Variants in CREBBP observed in about 807,000 individuals in gnomAD.
CREBBP encodes the protein CREB-binding protein.
A neutral mutation model predicts 265.0 loss-of-function variants in CREBBP; 19 were observed. That is an observed-to-expected ratio of 0.07 (90% CI 0.05 to 0.11). The LOEUF (loss-of-function observed/expected upper bound fraction) is 0.11, where lower values mean the gene tolerates loss of function less well. Among genes scored for constraint, CREBBP ranks in the 10% least tolerant of loss-of-function variants. CREBBP has a pLI of 1.00. For synonymous variants in CREBBP, 1,457 were observed against 1,223.7 expected, an observed-to-expected ratio of 1.19 and a Z score of -3.98; for missense variants, 2,525 against 3,219.0, an observed-to-expected ratio of 0.78 and a Z score of 5.22.
chr16:3,822,503 G>A (rs567806284), intron 2 of CREBBP, among the ~76,000 whole-genome samples: 209 of 152,156 alleles, frequency 1.4e-3, no homozygotes, highest in Non-Finnish European at 2.4e-3. Context: ...TGGGCAGGCC[G>A]TCAGCTCTAC....
intron 1 of CREBBP, among the ~76,000 whole-genome samples, chr16:3,867,865 G>T (rs1478413175): frequency 6.6e-6 from 1 of 152,018 alleles, no homozygotes; most frequent in Admixed American, 6.5e-5. Flanking sequence ...GGTGGACATT[G>T]CAGTGAGCTG....
At chr16:3,832,563 C>T (rs1041414338) in intron 2 of CREBBP, among the ~76,000 whole-genome samples, 3 of 152,228 alleles carry the variant, frequency 2.0e-5, no homozygotes, top group Non-Finnish European at 4.4e-5. Flanking sequence ...GTATAGCCCA[C>T]TGCTTCCAGG....
At chr16:3,776,028 T>G (rs2053130229) in intron 11 of CREBBP, among the ~76,000 whole-genome samples, 1 of 152,190 alleles carries the variant, frequency 6.6e-6, no homozygotes, top group African/African-American at 2.4e-5. Flanking sequence ...GCAATTCTCC[T>G]GCCTCAGCCT....
chr16:3,740,895 C>G (rs750540488), intron 23 of CREBBP: 25 of 372,694 alleles, frequency 6.7e-5, no homozygotes, highest in South Asian at 5.2e-4. Context: ...CCCGCTTTCC[C>G]TGGAGGGCAG....
At chr16:3,790,906 T>C in intron 5 of CREBBP, among the ~76,000 whole-genome samples, 1 of 152,078 alleles carries the variant, frequency 6.6e-6, no homozygotes, top group African/African-American at 2.4e-5. Flanking sequence ...TTTCCATCTT[T>C]CCCTGGGCCA....
intron 13 of CREBBP, among the ~76,000 whole-genome samples, chr16:3,771,832 A>G (rs1041669104): frequency 4.8e-5 from 7 of 147,260 alleles, no homozygotes; most frequent in African/African-American, 1.8e-4. Context: ...AAAAAAAAAG[A>G]CAGAGTCTCG....
chr16:3,837,238 C>G (rs1378204186), intron 2 of CREBBP, among the ~76,000 whole-genome samples: 1 of 152,122 alleles, frequency 6.6e-6, no homozygotes, highest in East Asian at 1.9e-4. Flanking sequence ...TGATCCTGAC[C>G]CTGTACAGGC....
chr16:3,863,280 ATTACTAT>A (rs1333575229), intron 1 of CREBBP, among the ~76,000 whole-genome samples: 2 of 152,112 alleles, frequency 1.3e-5, no homozygotes, highest in Non-Finnish European at 2.9e-5. Flanking sequence ...TCGCTGAATG[ATTACTAT>A]TTACCTTCCA....
At chr16:3,751,865 A>T in intron 19 of CREBBP, 59 bp from the exon 20 acceptor site, 2 of 1,541,374 alleles carry the variant, frequency 1.3e-6, no homozygotes, top group Non-Finnish European at 1.8e-6. Context: ...CAGCCACCCA[A>T]GCAACGAAGC....
chr16:3,849,418 T>TGTGTGTGTGTGTGTGTGTGTGTGTG, intron 2 of CREBBP, among the ~76,000 whole-genome samples: 1 of 6,578 alleles, frequency 1.5e-4, no homozygotes, highest in African/African-American at 1.8e-4. Flanking sequence ...TGTGTGTGTG[T>TGTGTGTGTGTGTGTGTGTGTGTGTG]GTGTGTGTGT....
intron 2 of CREBBP, among the ~76,000 whole-genome samples, chr16:3,817,500 C>T (rs994709104): frequency 6.6e-6 from 1 of 152,180 alleles, no homozygotes; most frequent in Non-Finnish European, 1.5e-5. Flanking sequence ...CCCCTTCTCT[C>T]AAGTGAGATC....
At chr16:3,736,628 A>G in intron 27 of CREBBP, 22 bp downstream of exon 27, 1 of 1,614,158 alleles carries the variant, frequency 6.2e-7, no homozygotes, top group Non-Finnish European at 8.5e-7. Context: ...AAAAGCCACC[A>G]CCTTCCTTCA....
intron 2 of CREBBP, among the ~76,000 whole-genome samples, chr16:3,824,038 T>G (rs2054192244): frequency 6.6e-6 from 1 of 151,380 alleles, no homozygotes; most frequent in East Asian, 1.9e-4. Context: ...AGGAGGGAGG[T>G]ACTGTGCAGT....
chr16:3,731,732 C>G lies in CREBBP; in HGVS notation c.4890+44G>C, dbSNP rs1225403028. ...CCCGCCAGCTGCGAGTCTTTCCCTC[C>G]TCCCGGCCAGAGGCACGGCTGCAGC... On this transcript the variant is annotated intron_variant, in intron 29 of 30. Transcript: ENST00000262367. The surrounding 1 kb of genome is among the most constrained non-coding windows in gnomAD (Gnocchi z 7.7). 1 of 1,613,316 alleles carries G rather than the reference C, an allele frequency of 6.2e-7. No homozygotes were observed. Among genetic ancestry groups the G allele is most frequent in the East Asian group, 2.2e-5 (1 of 44,892 alleles).
intron 25 of CREBBP, 167 bp downstream of exon 25, chr16:3,739,411 G>C: frequency 5.2e-6 from 4 of 775,396 alleles, no homozygotes; most frequent in Non-Finnish European, 8.3e-6. Flanking sequence ...TTCATTTCCC[G>C]CTAGTTTAAT....
intron 26 of CREBBP, among the ~76,000 whole-genome samples, chr16:3,737,238 ATCCTTT>A (rs1030495772): frequency 7.1e-6 from 1 of 140,172 alleles, no homozygotes; most frequent in Non-Finnish European, 1.5e-5. Flanking sequence ...AAATGCCCCT[ATCCTTT>A]TCAAGTTTCA....
chr16:3,850,817 C>T lies in CREBBP; in HGVS notation c.278G>A (p.Ser93Asn), dbSNP rs149092707. ...GCCACCCAGGCCCTGCTGCACGGGG[C>T]TGCTGGCGCTCACATTTCCTATTCC... ...NPGIGNVSAS[S>N]PVQQGLGGQA... The change falls in exon 2 of 31, where the codon AGC becomes AAC. Residue 93 changes from serine (S) to asparagine (N), a missense_variant. Transcript: ENST00000262367. The T allele has an allele frequency of 5.3e-5, 85 of 1,614,026 alleles. No homozygotes were observed. The highest frequency in any genetic ancestry group is 6.4e-5 in the Non-Finnish European group (75 of 1,180,052).
intron 1 of CREBBP, among the ~76,000 whole-genome samples, chr16:3,879,467 C>T (rs1159574697): frequency 6.6e-6 from 1 of 152,240 alleles, no homozygotes; most frequent in Non-Finnish European, 1.5e-5. Context: ...GTACCCTCCG[C>T]TGTCATTCCT....
intron 3 of CREBBP, among the ~76,000 whole-genome samples, chr16:3,804,375 C>T (rs1419286485): frequency 6.6e-6 from 1 of 152,104 alleles, no homozygotes; most frequent in Non-Finnish European, 1.5e-5. Flanking sequence ...AAAATTTACA[C>T]AATTTTTTGA....
Sources: gnomAD v4.1 joint callset for allele counts (sites outside exome capture counted in the v4.1 genomes callset) on GRCh38, gnomAD v4.1.1 for gene constraint, Gnocchi (gnomAD v3.1) non-coding constraint, MANE v1.5 for transcripts, NCBI Gene and HGNC (gene_info 2026-07-23, HGNC 2026-07-21) for gene names.